Variants in FSTL5 observed in about 807,000 individuals in gnomAD.
FSTL5 encodes follistatin-related protein 5.
A neutral mutation model predicts 89.1 loss-of-function variants in FSTL5; 62 were observed. The ratio of observed to expected loss-of-function variants is 0.70; its 90% CI spans 0.57 to 0.86. FSTL5 has a LOEUF of 0.86. Among genes scored for constraint, FSTL5 ranks in the 40% least tolerant of loss-of-function variants. The pLI is 0.00. For synonymous variants in FSTL5, 383 were observed against 346.2 expected, an observed-to-expected ratio of 1.11 and a Z score of -1.18; for missense variants, 1,057 against 1,001.6, an observed-to-expected ratio of 1.06 and a Z score of -0.75.
intron 6 of FSTL5, among the ~76,000 whole-genome samples, chr4:161,709,058 T>C (rs1738685380): frequency 6.6e-6 from 1 of 152,192 alleles, no homozygotes; most frequent in Admixed American, 6.5e-5. Context: ...GTGATTATTT[T>C]GCCTCTAACA....
intron 6 of FSTL5, among the ~76,000 whole-genome samples, chr4:161,703,082 C>CAG (rs1171236471): frequency 6.6e-6 from 1 of 151,942 alleles, no homozygotes; most frequent in Non-Finnish European, 1.5e-5. Context: ...TTTGAGGACG[C>CAG]AGAGAGAGAG....
rs79463685 is a variant in FSTL5 at position 161,416,083 on chromosome 4, T to C, written c.1842-29634A>G. ...AGGCCAATTCATCAACCTATATAGATGGAATGGCAAGTGTTTTCCCTAAAG... is the reference window on the plus strand; with the variant it reads ...AGGCCAATTCATCAACCTATATAGACGGAATGGCAAGTGTTTTCCCTAAAG... On this transcript the variant is annotated intron_variant, in intron 15 of 15. Transcript: ENST00000306100. Among the ~76,000 whole-genome samples the C allele has an allele frequency of 3.4e-3, 525 of 152,272 alleles. 13 individuals are homozygous for C. The East Asian group carries it at 0.054, about 16-fold the overall frequency.
chr4:161,624,997 G>T (rs1735265940), intron 7 of FSTL5, among the ~76,000 whole-genome samples: 1 of 152,034 alleles, frequency 6.6e-6, no homozygotes, highest in Admixed American at 6.6e-5. Context: ...GCTGAACTAG[G>T]TGTTGTATTA....
intron 15 of FSTL5, among the ~76,000 whole-genome samples, chr4:161,414,828 T>C (rs1731715933): frequency 6.6e-6 from 1 of 152,262 alleles, no homozygotes; most frequent in African/African-American, 2.4e-5. Flanking sequence ...ATTCTTTGTA[T>C]GGTGAAAAAC....
intron 4 of FSTL5, among the ~76,000 whole-genome samples, chr4:161,912,032 A>G (rs1733707741): frequency 6.6e-6 from 1 of 152,210 alleles, no homozygotes; most frequent in Non-Finnish European, 1.5e-5. Flanking sequence ...TCAGAAGTGA[A>G]ATATAAATCA....
rs533587446 is a variant in FSTL5 at position 161,568,010 on chromosome 4, T to A, written c.1015+19445A>T. Among the ~76,000 whole-genome samples, 6 of 151,974 alleles carry A rather than the reference T, an allele frequency of 3.9e-5. No individual in the cohort carries two copies. The South Asian group carries it at 1.0e-3, about 26-fold the overall frequency. On this transcript the variant is annotated intron_variant, in intron 8 of 15. Coordinates refer to ENST00000306100, the MANE Select transcript of FSTL5 (RefSeq NM_020116.5). ...GTGTTGGATCTGCCTGAAAAGAGGATGCATTCTATTCTGCTCTCTTGGCAA... is the reference window on the plus strand; with the variant it reads ...GTGTTGGATCTGCCTGAAAAGAGGAAGCATTCTATTCTGCTCTCTTGGCAA...
intron 3 of FSTL5, among the ~76,000 whole-genome samples, chr4:161,978,834 T>C (rs62329589): frequency 0.4 from 60,005 of 151,836 alleles, 12,144 homozygotes; most frequent in Middle Eastern, 0.57. Context: ...GGGGCAAGAT[T>C]ACTATAGAAG....
At chr4:161,577,473 C>CAAAAAAAAAAAAAAAAAAAGAAA (rs544029134) in intron 8 of FSTL5, among the ~76,000 whole-genome samples, 4 of 110,206 alleles carry the variant, frequency 3.6e-5, no homozygotes, top group Non-Finnish European at 5.3e-5. Context: ...AGAAAAAAGA[C>CAAAAAAAAAAAAAAAAAAAGAAA]AAAAAAAAAA....
intron 3 of FSTL5, among the ~76,000 whole-genome samples, chr4:162,007,827 T>C (rs1020295790): frequency 6.6e-6 from 1 of 151,862 alleles, no homozygotes; most frequent in Non-Finnish European, 1.5e-5. Context: ...ATAAATATTA[T>C]GAAATGATGA....
At chr4:161,677,421 T>C (rs1347726921) in intron 6 of FSTL5, among the ~76,000 whole-genome samples, 1 of 152,058 alleles carries the variant, frequency 6.6e-6, no homozygotes, top group Non-Finnish European at 1.5e-5. Context: ...GGTACCACTT[T>C]ATAATATGCT....
intron 6 of FSTL5, among the ~76,000 whole-genome samples, chr4:161,680,692 T>C (rs1219606412): frequency 6.6e-6 from 1 of 151,746 alleles, no homozygotes; most frequent in East Asian, 1.9e-4. Flanking sequence ...TTTAGGGAAA[T>C]AATTATAGTA....
At chr4:161,920,319 T>C in intron 4 of FSTL5, 85 bp downstream of exon 4, 1 of 1,353,820 alleles carries the variant, frequency 7.4e-7, no homozygotes, top group Non-Finnish European at 1.0e-6. Flanking sequence ...CCCTTGCTGA[T>C]ATAAAATTGC....
At chr4:162,087,542 A>G (rs1730367696) in intron 2 of FSTL5, among the ~76,000 whole-genome samples, 1 of 152,116 alleles carries the variant, frequency 6.6e-6, no homozygotes, top group Admixed American at 6.6e-5. Context: ...GTTGTCTAAC[A>G]CTCTTATTAA....
At chr4:161,990,889 A>T (rs1736092377) in intron 3 of FSTL5, among the ~76,000 whole-genome samples, 1 of 152,164 alleles carries the variant, frequency 6.6e-6, no homozygotes, top group Non-Finnish European at 1.5e-5. Flanking sequence ...GACTCTCTCT[A>T]GTTAGGTGTT....
chr4:162,141,794 A>C (rs959735404), intron 1 of FSTL5, among the ~76,000 whole-genome samples: 1 of 152,114 alleles, frequency 6.6e-6, no homozygotes. Flanking sequence ...CAAGTGTGGA[A>C]GTACAGAGAG....
chr4:161,413,053 C>T (rs376943335), intron 15 of FSTL5, among the ~76,000 whole-genome samples: 21 of 151,812 alleles, frequency 1.4e-4, no homozygotes, highest in East Asian at 9.7e-4. Context: ...AAAACAAAAA[C>T]GAACAATGGG....
chr4:161,825,291 C>T (rs545472933), intron 4 of FSTL5, among the ~76,000 whole-genome samples: 5,791 of 152,082 alleles, frequency 0.038, 176 homozygotes, highest in Middle Eastern at 0.13. Flanking sequence ...GATTTGGCCA[C>T]CTAGCACATT....
At chr4:161,611,390 T>C (rs947408795) in intron 7 of FSTL5, among the ~76,000 whole-genome samples, 3 of 151,632 alleles carry the variant, frequency 2.0e-5, no homozygotes, top group African/African-American at 2.4e-5. Context: ...TCTTCATTCA[T>C]ATATTATGCA....
At chr4:161,640,591 A>G (rs1735917880) in intron 7 of FSTL5, among the ~76,000 whole-genome samples, 1 of 152,174 alleles carries the variant, frequency 6.6e-6, no homozygotes, top group Non-Finnish European at 1.5e-5. Context: ...ACTTGAACCT[A>G]AGATAGTAGT....
Sources: gnomAD v4.1 joint callset for allele counts (sites outside exome capture counted in the v4.1 genomes callset) on GRCh38, gnomAD v4.1.1 for gene constraint, MANE v1.5 for transcripts, NCBI Gene and HGNC (gene_info 2026-07-23, HGNC 2026-07-21) for gene names.